Variants in RIPK4 observed in about 807,000 individuals in gnomAD.
RIPK4 encodes receptor interacting serine/threonine kinase 4, also known as receptor-interacting serine/threonine-protein kinase 4.
RIPK4 carries 17 observed loss-of-function variants against 42.9 expected under a neutral mutation model. That is an observed-to-expected ratio of 0.40 (90% CI 0.27 to 0.59). The LOEUF is 0.59. RIPK4 is among the 20% of genes least tolerant of loss of function. The pLI, the probability that RIPK4 is intolerant of heterozygous loss-of-function variation, is 0.47. For synonymous variants in RIPK4, 498 were observed against 499.1 expected, an observed-to-expected ratio of 1.00 and a Z score of 0.03; for missense variants, 897 against 1,104.4, an observed-to-expected ratio of 0.81 and a Z score of 2.66.
Position 41,741,169 on chromosome 21 carries a change from T to C in RIPK4, c.2024A>G (p.His675Arg). The change falls in exon 8 of 8, where the codon CAC becomes CGC. Residue 675 changes from histidine (H) to arginine (R), a missense_variant. Transcript: ENST00000332512. ...AMTSDGYTAL[H>R]LAARNGHLAT... is the part of the protein sequence containing the mutation. Reference sequence around the variant, plus strand: ...CAGGTGTCCGTTGCGGGCAGCCAGGTGCAGAGCGGTGTAGCCGTCTGAGGT... The same window carrying C: ...CAGGTGTCCGTTGCGGGCAGCCAGGCGCAGAGCGGTGTAGCCGTCTGAGGT... The C allele has an allele frequency of 6.2e-7, 1 of 1,612,526 alleles. No homozygotes were observed. The highest frequency in any genetic ancestry group is 8.5e-7 in the Non-Finnish European group (1 of 1,179,734).
In RIPK4 at chr21:41,767,024, C is replaced by A. The variant is rs773902889; in HGVS notation, c.18G>T (p.Gly6=). ...GCAGCAGCGCCAGGGCCCATGGGGTCCCGCCGTCGCCCTCCATCGCGCACG... is the reference window on the plus strand; with the variant it reads ...GCAGCAGCGCCAGGGCCCATGGGGTACCGCCGTCGCCCTCCATCGCGCACG... MEGDG[G]TPWALALLRT... The change falls in exon 1 of 8, where the codon GGG becomes GGT. Residue 6 remains glycine (G), a synonymous_variant. Coordinates refer to ENST00000332512, the MANE Select transcript of RIPK4 (RefSeq NM_020639.3). The surrounding 1 kb of genome is among the most constrained non-coding windows in gnomAD (Gnocchi z 4.0). 4 of 1,579,312 alleles carry A rather than the reference C, an allele frequency of 2.5e-6. No homozygotes were observed. In the African/African-American group the frequency reaches 5.6e-5, roughly 22 times the overall value.
chr21:41,759,831 C>T (rs1341349377), intron 1 of RIPK4, among the ~76,000 whole-genome samples: 2 of 152,238 alleles, frequency 1.3e-5, no homozygotes, highest in Admixed American at 1.3e-4. Context: ...GCAGGAAAGG[C>T]CAGCAGGAAC....
intron 2 of RIPK4, among the ~76,000 whole-genome samples, chr21:41,756,215 A>C (rs990976741): frequency 3.3e-5 from 5 of 152,210 alleles, no homozygotes; most frequent in Non-Finnish European, 7.3e-5. Flanking sequence ...TGATTTCATA[A>C]GACCAAAACC....
intron 1 of RIPK4, among the ~76,000 whole-genome samples, chr21:41,759,701 G>A (rs1455254557): frequency 6.6e-6 from 1 of 152,172 alleles, no homozygotes; most frequent in Non-Finnish European, 1.5e-5. Flanking sequence ...CCATTTCCTC[G>A]CCTGCTGGTG....
In RIPK4 at chr21:41,739,586, C is replaced by T. The variant is rs1231388017; in HGVS notation, c.*1252G>A. 6.6e-6 allele frequency: 1 copy of T among 152,208 alleles called. No individual in the cohort carries two copies. The highest frequency in any genetic ancestry group is 2.4e-5 in the African/African-American group (1 of 41,430). 9.4% of individuals were successfully genotyped at this position (152,208 alleles called of 1,614,324 possible). On this transcript the variant is annotated 3_prime_UTR_variant, in exon 8 of 8. Transcript: ENST00000332512. Reference sequence around the variant, plus strand: ...ATATCAATCTCTATCATATACCAGGCCACGGTACATGTTTGCACGCAGGGT... The same window carrying T: ...ATATCAATCTCTATCATATACCAGGTCACGGTACATGTTTGCACGCAGGGT...
intron 1 of RIPK4, among the ~76,000 whole-genome samples, chr21:41,763,883 G>A (rs1453875872): frequency 6.6e-6 from 1 of 152,182 alleles, no homozygotes; most frequent in African/African-American, 2.4e-5. Context: ...GGGGCTGGTA[G>A]GGGAGGAACG....
In RIPK4 at chr21:41,751,343, T is replaced by TGA; in HGVS notation, c.475-100_475-99dup. The TGA allele has an allele frequency of 6.7e-7, 1 of 1,502,336 alleles. No individual in the cohort carries two copies. The highest frequency in any genetic ancestry group is 1.3e-5 in the South Asian group (1 of 77,882). 93.1% of individuals were successfully genotyped at this position (1,502,336 alleles called of 1,614,324 possible). Reference sequence around the variant, plus strand: ...CCCTTCTGCAATCTCAGAGGGTGGGTGAGAGCTTTCCAGGAGCCCCTAAGA... The same window carrying TGA: ...CCCTTCTGCAATCTCAGAGGGTGGGTGAGAGAGCTTTCCAGGAGCCCCTAAGA... On this transcript the variant is annotated intron_variant, in intron 2 of 7. Coordinates refer to ENST00000332512, the MANE Select transcript of RIPK4 (RefSeq NM_020639.3). This position sits in a 1 kb window ranked among gnomAD's most constrained non-coding sequence, Gnocchi z 4.5.
At chr21:41,743,536 C>T (rs747228649) in intron 7 of RIPK4, among the ~76,000 whole-genome samples, 7 of 152,198 alleles carry the variant, frequency 4.6e-5, no homozygotes, top group African/African-American at 1.4e-4. Flanking sequence ...ACGCCCGAGA[C>T]AGGAGGCCCG....
At chr21:41,744,648 C>T (rs972437397) in intron 6 of RIPK4, among the ~76,000 whole-genome samples, 1 of 152,210 alleles carries the variant, frequency 6.6e-6, no homozygotes, top group Non-Finnish European at 1.5e-5. Context: ...GAATGTGAGG[C>T]ATGTATGGCG....
At chr21:41,752,121 T>C (rs1053173009) in intron 2 of RIPK4, among the ~76,000 whole-genome samples, 2 of 152,194 alleles carry the variant, frequency 1.3e-5, no homozygotes, top group African/African-American at 4.8e-5. Context: ...CCTTTGAAGC[T>C]GCTGAAAACC....
chr21:41,756,381 C>T (rs2061203453), intron 2 of RIPK4, 144 bp downstream of exon 2: 4 of 1,055,646 alleles, frequency 3.8e-6, no homozygotes, highest in Admixed American at 5.2e-5. Flanking sequence ...TGCAAAAGGC[C>T]TCGGTTTCAA....
In RIPK4 at chr21:41,766,940, C is replaced by T. The variant is rs2146066032; in HGVS notation, c.102G>A (p.Gly34=). ...GWEKVGSGGF[G]QVYKVRHVHW... ...GGACATGGCGCACCTTGTACACCTG[C>T]CCGAAGCCGCCCGAGCCCACCTTCT... Residue 34 remains glycine (G), a synonymous_variant, in exon 1 of 8, where the codon GGG becomes GGA. Coordinates refer to ENST00000332512, the MANE Select transcript of RIPK4 (RefSeq NM_020639.3). The T allele has an allele frequency of 6.2e-7, 1 of 1,609,596 alleles. No homozygotes were observed. Among genetic ancestry groups the T allele is most frequent in the South Asian group, 1.1e-5 (1 of 90,906 alleles).
intron 1 of RIPK4, among the ~76,000 whole-genome samples, chr21:41,758,059 G>T (rs1348698516): frequency 1.2e-4 from 16 of 130,586 alleles, no homozygotes; most frequent in African/African-American, 3.9e-4. Flanking sequence ...GAGAGAGAGA[G>T]AGAGAGAGAG....
Position 41,756,712 on chromosome 21 carries a change from A to G in RIPK4, c.287T>C (p.Met96Thr). The change falls in exon 2 of 8, where the codon ATG becomes ACG. Residue 96 changes from methionine to threonine, a missense_variant. Coordinates refer to ENST00000332512, the MANE Select transcript of RIPK4 (RefSeq NM_020639.3). Reference sequence around the variant, plus strand: ...CAGGGAGCCCGTCTCCATGTACTCCATGACCAGGCCGACAGGTTCGCGGCA... The same window carrying G: ...CAGGGAGCCCGTCTCCATGTACTCCGTGACCAGGCCGACAGGTTCGCGGCA... ...GICREPVGLVMEYMETGSLEK... is the reference protein window; with the variant it reads ...GICREPVGLVTEYMETGSLEK... 1 of 1,614,206 alleles carries G rather than the reference A, an allele frequency of 6.2e-7. No homozygotes were observed. Among genetic ancestry groups the G allele is most frequent in the South Asian group, 1.1e-5 (1 of 91,086 alleles).
chr21:41,766,192 C>T (rs1052330048), intron 1 of RIPK4, among the ~76,000 whole-genome samples: 2 of 152,240 alleles, frequency 1.3e-5, no homozygotes, highest in African/African-American at 4.8e-5. Context: ...GACGGATCAA[C>T]ACCCCGGGCC....
At position 41,741,714 on chromosome 21, in the gene RIPK4, C is replaced by T. The variant is rs756884086; in HGVS notation, c.1479G>A (p.Arg493=). The change falls in exon 8 of 8, where the codon CGG becomes CGA. Residue 493 remains arginine, a synonymous_variant. Coordinates refer to ENST00000332512, the MANE Select transcript of RIPK4 (RefSeq NM_020639.3). ...VRGVVELLLA[R]KISVNAKDED... ...CATCCTTGGCGTTGACACTGATCTT[C>T]CGCGCCAGCAGGAGCTCCACGACAC... 2.5e-6 allele frequency: 4 copies of T among 1,613,602 alleles called. No individual in the cohort carries two copies.
At chr21:41,759,917 A>T (rs2061215781) in intron 1 of RIPK4, among the ~76,000 whole-genome samples, 1 of 152,228 alleles carries the variant, frequency 6.6e-6, no homozygotes, top group Non-Finnish European at 1.5e-5. Flanking sequence ...CGGAGATCTC[A>T]GCCTGTCTGC....
At chr21:41,748,425 TATG>T (rs1245101010) in intron 4 of RIPK4, among the ~76,000 whole-genome samples, 2 of 152,226 alleles carry the variant, frequency 1.3e-5, no homozygotes, top group African/African-American at 2.4e-5. Context: ...CCTGGATTTT[TATG>T]ATAAGTAAGT....
chr21:41,741,084 G>A lies in RIPK4; in HGVS notation c.2109C>T (p.Asn703=), dbSNP rs772011229. The part of the protein sequence containing the change: ...KADVLARGPL[N]QTALHLAAAH... ...CGGCAGCCAGGTGCAGCGCCGTCTGGTTCAGGGGTCCCCGGGCCAGCACAT... is the reference window on the plus strand; with the variant it reads ...CGGCAGCCAGGTGCAGCGCCGTCTGATTCAGGGGTCCCCGGGCCAGCACAT... Residue 703 remains asparagine, a synonymous_variant, in exon 8 of 8, where the codon AAC becomes AAT. Transcript: ENST00000332512. The A allele has an allele frequency of 1.2e-6, 2 of 1,612,016 alleles. No individual in the cohort carries two copies. Among genetic ancestry groups the A allele is most frequent in the Admixed American group, 1.7e-5 (1 of 60,018 alleles).
Sources: gnomAD v4.1 joint callset for allele counts (sites outside exome capture counted in the v4.1 genomes callset) on GRCh38, gnomAD v4.1.1 for gene constraint, Gnocchi (gnomAD v3.1) non-coding constraint, MANE v1.5 for transcripts, NCBI Gene and HGNC (gene_info 2026-07-23, HGNC 2026-07-21) for gene names.